The following DENND2D variants were observed in gnomAD, a reference collection of about 807,000 sequenced individuals.
The protein encoded by DENND2D is DENN domain containing 2D, also known as DENN domain-containing protein 2D.
In DENND2D, 37 loss-of-function variants were observed where a neutral mutation model predicts 59.8. That is an observed-to-expected ratio of 0.62 (90% confidence interval 0.48 to 0.81). The LOEUF is 0.81. DENND2D is among the 40% of genes least tolerant of loss of function. The probability of loss-of-function intolerance (pLI) is 0.00; values close to 1 mark genes in which losing one functional copy is unlikely to be tolerated. For missense variants in DENND2D, 525 were observed against 579.7 expected (o/e 0.91, Z 0.97); for synonymous variants, 219 against 211.3 (o/e 1.04, Z -0.31).
In DENND2D at chr1:111,194,655, G is replaced by C. The variant is rs41299573; in HGVS notation, c.717C>G (p.Leu239=). The C allele has an allele frequency of 2.5e-3, 4,078 of 1,614,034 alleles. 33 individuals carry two copies. The highest frequency in any genetic ancestry group is 2.6e-3 in the Non-Finnish European group (3,018 of 1,179,994). Residue 239 remains leucine (L), a synonymous_variant, in exon 7 of 12, where the codon CTC becomes CTG. Coordinates refer to ENST00000357640, the MANE Select transcript of DENND2D (RefSeq NM_024901.5). ...HVDFSSLLHC[L]SFEQILQIFA... ...AGATCTGAAGTATCTGTTCAAAACT[G>C]AGACAGTGCAATAGAGAACTAAAAT...
chr1:111,203,656 G>A (rs749346187), upstream of DENND2D, among the ~76,000 whole-genome samples: 1 of 152,330 alleles, frequency 6.6e-6, no homozygotes, highest in East Asian at 1.9e-4. Context: ...TCACTGTTGC[G>A]GGGCTGAGGG....
intron 8 of DENND2D, among the ~76,000 whole-genome samples, chr1:111,189,580 A>G (rs947762246): frequency 3.3e-5 from 5 of 152,204 alleles, no homozygotes; most frequent in African/African-American, 1.2e-4. Flanking sequence ...TTCTACATGG[A>G]GCATTTAGTA....
chr1:111,192,394 A>T, intron 7 of DENND2D, 77 bp from the exon 8 acceptor site: 1 of 1,409,770 alleles, frequency 7.1e-7, no homozygotes, highest in Non-Finnish European at 9.4e-7. Flanking sequence ...GCCCACCACC[A>T]ACAGCAGCTA....
At chr1:111,191,298 T>C (rs950444803) in intron 8 of DENND2D, among the ~76,000 whole-genome samples, 1 of 152,220 alleles carries the variant, frequency 6.6e-6, no homozygotes, top group Admixed American at 6.5e-5. Flanking sequence ...TTTGGTTTTA[T>C]CTGTGCTAGG....
In DENND2D at chr1:111,194,609, T is replaced by C; in HGVS notation, c.763A>G (p.Arg255Gly). Reference protein sequence around the residue: ...LQIFASAVLERKIIFLAEGLS... With the variant: ...LQIFASAVLEGKIIFLAEGLS... ...CCTTCCGCCAGGAAGATGATTTTTC[T>C]CTCCAGCACGGCAGAGGCAAAGATC... is the stretch of plus-strand genomic sequence containing the variant. Residue 255 changes from arginine to glycine, a missense_variant, in exon 7 of 12, where the codon AGA (arginine) becomes GGA (glycine). Arg to Gly is a moderately radical substitution (Grantham distance 125). Transcript: ENST00000357640. 1 of 1,613,804 alleles carries C rather than the reference T, an allele frequency of 6.2e-7. No homozygotes were observed. Among genetic ancestry groups the C allele is most frequent in the African/African-American group, 1.3e-5 (1 of 74,888 alleles).
chr1:111,204,231 C>G (rs1380978060), upstream of DENND2D: 3 of 1,421,236 alleles, frequency 2.1e-6, no homozygotes, highest in Non-Finnish European at 2.7e-6. Context: ...CCCCAGCCGC[C>G]AGCCCTAGCC....
In DENND2D at chr1:111,194,770, G is replaced by C. The variant is rs764594053; in HGVS notation, c.646-44C>G. The C allele has an allele frequency of 1.6e-5, 25 of 1,606,484 alleles. No individual in the cohort carries two copies. In the Admixed American group the frequency reaches 3.9e-4, roughly 25 times the overall value. Reference sequence around the variant, plus strand: ...GAGAGAAGGTGTCACTATACTGCAAGATCATGCAGACCCCGAGGTGCTAGG... The same window carrying C: ...GAGAGAAGGTGTCACTATACTGCAACATCATGCAGACCCCGAGGTGCTAGG... On this transcript the variant is annotated intron_variant, in intron 6 of 11. Coordinates refer to ENST00000357640, the MANE Select transcript of DENND2D (RefSeq NM_024901.5).
chr1:111,194,916 G>A (rs990729213), intron 6 of DENND2D, among the ~76,000 whole-genome samples, 190 bp from the exon 7 acceptor site: 2 of 151,842 alleles, frequency 1.3e-5, no homozygotes, highest in Admixed American at 6.5e-5. Flanking sequence ...ATAATGTCCT[G>A]CACCCTCCCT....
In DENND2D at chr1:111,186,849, T is replaced by C. The variant is rs1423638749; in HGVS notation, c.*756A>G. 6.6e-6 allele frequency among the ~76,000 whole-genome samples: 1 copy of C among 152,174 alleles called. No individual in the cohort carries two copies. The highest frequency in any genetic ancestry group is 1.5e-5 in the Non-Finnish European group (1 of 68,042). Reference sequence around the variant, plus strand: ...ATGTAGTGTTCTTCACAGGCTGCTGTTGACTGAAATTCCTATCCTCAAATT... The same window carrying C: ...ATGTAGTGTTCTTCACAGGCTGCTGCTGACTGAAATTCCTATCCTCAAATT... On this transcript the variant is annotated 3_prime_UTR_variant, in exon 12 of 12. Coordinates refer to ENST00000357640, the MANE Select transcript of DENND2D (RefSeq NM_024901.5).
In DENND2D at chr1:111,189,356, G is replaced by A. The variant is rs79097748; in HGVS notation, c.973-103C>T. 1.3e-3 allele frequency: 1,644 copies of A among 1,239,164 alleles called. 17 individuals are homozygous for A. The African/African-American group carries it at 0.021, about 16-fold the overall frequency. 76.8% of individuals were successfully genotyped at this position (1,239,164 alleles called of 1,614,324 possible). On this transcript the variant is annotated intron_variant, in intron 8 of 11. Coordinates refer to ENST00000357640, the MANE Select transcript of DENND2D (RefSeq NM_024901.5). ...CCTGTGGCTGTATCTTTCAGCCCAG[G>A]TAGCAACAAAATCAATATCTTCAGT...
chr1:111,191,398 C>T (rs1472965916), intron 8 of DENND2D, among the ~76,000 whole-genome samples: 1 of 152,186 alleles, frequency 6.6e-6, no homozygotes, highest in Non-Finnish European at 1.5e-5. Context: ...GGCAGACATT[C>T]CCAAGTCCCT....
upstream of DENND2D, among the ~76,000 whole-genome samples, chr1:111,203,764 T>TGGCC (rs1413058178): frequency 4.0e-5 from 6 of 151,728 alleles, no homozygotes; most frequent in East Asian, 1.2e-3. Flanking sequence ...GAAGGGCACC[T>TGGCC]GGCCGAGGGT....
chr1:111,196,959 A>G (rs1658288689), intron 5 of DENND2D: 1 of 540,818 alleles, frequency 1.8e-6, no homozygotes, highest in Admixed American at 3.1e-5. Flanking sequence ...GAGTGGGAAC[A>G]GTAGCTGTCT....
In DENND2D at chr1:111,200,593, A is replaced by C; in HGVS notation, c.-134T>G. On this transcript the variant is annotated 5_prime_UTR_variant, in exon 1 of 12. Transcript: ENST00000357640. Reference sequence around the variant, plus strand: ...AGCCAAGCCACGCGCTGTCTTCCAGAGAGGGAATAGAAGTTTCCATCCTGT... The same window carrying C: ...AGCCAAGCCACGCGCTGTCTTCCAGCGAGGGAATAGAAGTTTCCATCCTGT... 1 of 1,484,066 alleles carries C rather than the reference A, an allele frequency of 6.7e-7. No individual in the cohort carries two copies. Among genetic ancestry groups the C allele is most frequent in the Non-Finnish European group, 9.0e-7 (1 of 1,109,732 alleles). The allele number at this position is 1,484,066 out of a possible 1,614,324, so 91.9% of individuals were successfully genotyped here.
chr1:111,198,083 G>T, intron 3 of DENND2D, 94 bp from the exon 4 acceptor site: 1 of 1,218,056 alleles, frequency 8.2e-7, no homozygotes, highest in African/African-American at 1.5e-5. Flanking sequence ...GAGGGCAAAG[G>T]GGAGTTGCTG....
In DENND2D at chr1:111,186,813, G is replaced by C. The variant is rs752130386; in HGVS notation, c.*792C>G. 6.6e-6 allele frequency among the ~76,000 whole-genome samples: 1 copy of C among 152,168 alleles called. No individual in the cohort carries two copies. The highest frequency in any genetic ancestry group is 6.5e-5 in the Admixed American group (1 of 15,286). ...GAAAGTGATGGGGAAACAGACCTACGTATGGAAGCCATGTAGTGTTCTTCA... is the reference window on the plus strand; with the variant it reads ...GAAAGTGATGGGGAAACAGACCTACCTATGGAAGCCATGTAGTGTTCTTCA... On this transcript the variant is annotated 3_prime_UTR_variant, in exon 12 of 12. Coordinates refer to ENST00000357640, the MANE Select transcript of DENND2D (RefSeq NM_024901.5).
rs925281585 is a variant in DENND2D, at chr1:111,187,774, T to A, written c.1340-93A>T. ...TAAGGATCAGAAATATCCTGTCTGCTCCCCATACTGCCATCCCTGCCAGGA... is the reference window on the plus strand; with the variant it reads ...TAAGGATCAGAAATATCCTGTCTGCACCCCATACTGCCATCCCTGCCAGGA... On this transcript the variant is annotated intron_variant, in intron 11 of 11. Transcript: ENST00000357640. The A allele has an allele frequency of 5.9e-6, 6 of 1,015,978 alleles. No individual in the cohort carries two copies. In the Admixed American group the frequency reaches 8.2e-5, roughly 14 times the overall value. The allele number at this position is 1,015,978 out of a possible 1,614,324, so 62.9% of individuals were successfully genotyped here. A position where few individuals can be genotyped will look rare whatever the true frequency, so the allele number is the denominator to read the frequency against.
intron 3 of DENND2D, 100 bp downstream of exon 3, chr1:111,198,530 T>C: frequency 8.1e-7 from 1 of 1,229,718 alleles, no homozygotes; most frequent in Non-Finnish European, 1.2e-6. Context: ...AGGCCGAAAA[T>C]CAACAAATGA....
At chr1:111,193,667 C>G (rs1168445774) in intron 7 of DENND2D, among the ~76,000 whole-genome samples, 1 of 152,172 alleles carries the variant, frequency 6.6e-6, no homozygotes, top group Non-Finnish European at 1.5e-5. Context: ...TTCTTCTTCC[C>G]TAAAAGATAA....
Sources: gnomAD v4.1 joint callset for allele counts (sites outside exome capture counted in the v4.1 genomes callset) on GRCh38, gnomAD v4.1.1 for gene constraint, MANE v1.5 for transcripts, NCBI Gene and HGNC (gene_info 2026-07-23, HGNC 2026-07-21) for gene names.